The following NFASC variants were observed in gnomAD, a reference collection of about 807,000 sequenced individuals.
The protein encoded by NFASC is neurofascin.
NFASC carries 43 observed loss-of-function variants against 147.5 expected under a neutral mutation model. The observed-to-expected ratio is 0.29, with a 90% confidence interval of 0.23 to 0.38. The LOEUF (loss-of-function observed/expected upper bound fraction) is 0.38. Ranked by LOEUF, NFASC falls within the 10% of genes least tolerant of loss-of-function variation. The probability of loss-of-function intolerance (pLI) is 1.00; values close to 1 mark genes in which losing one functional copy is unlikely to be tolerated. For missense variants in NFASC, 1,320 were observed against 1,689.0 expected (o/e 0.78, Z 3.83); for synonymous variants, 622 against 665.5 (o/e 0.93, Z 1.01).
rs2290139 is a variant in NFASC, at chr1:204,970,867, G to T, written c.1135+120G>T. ...AGTTCAGGAAGAGAGAAGCCCACTGGTGGCTGTTTCTCAGCTGCCCATCTC... is the reference window on the plus strand; with the variant it reads ...AGTTCAGGAAGAGAGAAGCCCACTGTTGGCTGTTTCTCAGCTGCCCATCTC... On this transcript the variant is annotated intron_variant, in intron 11 of 29. Transcript: ENST00000339876. The T allele has an allele frequency of 3.0e-4, 384 of 1,288,612 alleles. 2 individuals carry two copies. In the East Asian group the frequency reaches 8.1e-3, roughly 27 times the overall value. 79.8% of individuals were successfully genotyped at this position (1,288,612 alleles called of 1,614,324 possible).
rs1015152608 is a variant in NFASC at position 205,019,803 on chromosome 1, C to T, written c.*3264C>T. The T allele has an allele frequency of 7.2e-5, 11 of 152,278 alleles. No individual in the cohort carries two copies. The highest frequency in any genetic ancestry group is 2.7e-4 in the African/African-American group (11 of 41,464). The allele number at this position is 152,278 out of a possible 1,614,324, so 9.4% of individuals were successfully genotyped here. On this transcript the variant is annotated 3_prime_UTR_variant, in exon 30 of 30. Transcript: ENST00000339876. The stretch of plus-strand genomic sequence containing the variant: ...GTCCTGCTTCCTGAGCCTCTTTGCT[C>T]TGCCTCTTGGGGCAAGCTCCTTAAC...
At chr1:204,948,858 C>A (rs2093949965) in intron 3 of NFASC, among the ~76,000 whole-genome samples, 1 of 152,206 alleles carries the variant, frequency 6.6e-6, no homozygotes, top group Non-Finnish European at 1.5e-5. Flanking sequence ...AAGCTAAGGG[C>A]CTGGGCTAAG....
chr1:204,962,005 C>T, intron 8 of NFASC: 1 of 850,300 alleles, frequency 1.2e-6, no homozygotes, highest in Non-Finnish European at 2.0e-6. Flanking sequence ...CTGCTGCCCT[C>T]CTCAGTTGTT....
In NFASC at chr1:204,968,331, C is replaced by T. The variant is rs768653228; in HGVS notation, c.789C>T (p.Asp263=). ...GCCAGATGGTGCTTCGTGGCATGGA[C>T]CTCCTGCTGGAATGCATCGCCTCCG... ...ASSQMVLRGM[D]LLLECIASGV... The change falls in exon 9 of 30, where the codon GAC becomes GAT. Residue 263 remains aspartate, a synonymous_variant. Transcript: ENST00000339876. The surrounding 1 kb of genome is among the most constrained non-coding windows in gnomAD (Gnocchi z 5.4). 1 of 1,614,020 alleles carries T rather than the reference C, an allele frequency of 6.2e-7. No individual in the cohort carries two copies. Among genetic ancestry groups the T allele is most frequent in the African/African-American group, 1.3e-5 (1 of 74,938 alleles).
At chr1:204,961,548 G>A (rs1188772569) in intron 8 of NFASC, among the ~76,000 whole-genome samples, 1 of 152,260 alleles carries the variant, frequency 6.6e-6, no homozygotes, top group South Asian at 2.1e-4. Flanking sequence ...GACACATGTT[G>A]CTGGGTGTGG....
chr1:204,841,995 G>A (rs1675500876), intron 1 of NFASC, among the ~76,000 whole-genome samples: 1 of 152,208 alleles, frequency 6.6e-6, no homozygotes, highest in Non-Finnish European at 1.5e-5. Context: ...TGACCAGTTA[G>A]CGGGTGGAGC....
chr1:204,959,207 C>T (rs369156529), intron 8 of NFASC, among the ~76,000 whole-genome samples: 4 of 152,106 alleles, frequency 2.6e-5, no homozygotes, highest in East Asian at 3.9e-4. Context: ...TAATCATCGC[C>T]TCCTGCCTTG....
intron 27 of NFASC, among the ~76,000 whole-genome samples, chr1:205,007,905 G>A (rs988549461): frequency 6.6e-6 from 1 of 152,168 alleles, no homozygotes; most frequent in Non-Finnish European, 1.5e-5. Flanking sequence ...AGTCCTACGT[G>A]GGGGGTTGGA....
rs1257128309 is a variant in NFASC, at chr1:204,975,116, C to A, written c.1559-155C>A. ...ATTATCTGCTTTGGGGATTACCCAC[C>A]CAGAACTCTGCTCCGTTCATACCAT... On this transcript the variant is annotated intron_variant, in intron 14 of 29. Transcript: ENST00000339876. The surrounding 1 kb of genome is among the most constrained non-coding windows in gnomAD (Gnocchi z 4.0). Among the ~76,000 whole-genome samples, 1 of 152,224 alleles carries A rather than the reference C, an allele frequency of 6.6e-6. No homozygotes were observed. Among genetic ancestry groups the A allele is most frequent in the Non-Finnish European group, 1.5e-5 (1 of 68,038 alleles).
In NFASC at chr1:205,012,814, G is replaced by A; in HGVS notation, c.3439G>A (p.Val1147Ile). 2.5e-6 allele frequency: 4 copies of A among 1,613,508 alleles called. No homozygotes were observed. The highest frequency in any genetic ancestry group is 1.7e-4 in the Middle Eastern group (1 of 6,056). The change falls in exon 29 of 30, where the codon GTT becomes ATT. Residue 1147 changes from valine (V) to isoleucine (I), a missense_variant. Physicochemically the swap from Val to Ile is conservative, Grantham distance 29. Coordinates refer to ENST00000339876, the MANE Select transcript of NFASC (RefSeq NM_001005388.3). ...TGACCAAGTACGAGAAAAGAAGGAT[G>A]TTCCCCTTGGCCCTGAAGACCCCAA... ...GKYPVREKKD[V>I]PLGPEDPKEE...
chr1:204,829,311 A>G (rs1558464505), intron 1 of NFASC, among the ~76,000 whole-genome samples: 2 of 147,746 alleles, frequency 1.4e-5, no homozygotes, highest in Non-Finnish European at 3.0e-5. Flanking sequence ...GCCCTGTCCC[A>G]GCCCCTTCCC....
rs781346381 is a variant in NFASC, at chr1:204,962,233, G to A, written c.706+4407G>A. ...GTTTGCCTAACTTGACTGATACCACGTCATTAACTCCTGCTGGGTGGCAGC... is the reference window on the plus strand; with the variant it reads ...GTTTGCCTAACTTGACTGATACCACATCATTAACTCCTGCTGGGTGGCAGC... On this transcript the variant is annotated intron_variant, in intron 8 of 29. Coordinates refer to ENST00000339876, the MANE Select transcript of NFASC (RefSeq NM_001005388.3). 3.8e-5 allele frequency: 47 copies of A among 1,252,746 alleles called. No individual in the cohort carries two copies. The East Asian group carries it at 7.8e-4, about 21-fold the overall frequency. The allele number at this position is 1,252,746 out of a possible 1,614,324, so 77.6% of individuals were successfully genotyped here.
intron 3 of NFASC, chr1:204,946,534 G>T (rs1261852054): frequency 9.6e-6 from 4 of 418,526 alleles, no homozygotes; most frequent in South Asian, 1.7e-5. Flanking sequence ...CCCTGGCAAC[G>T]TGTCCAAAAA....
At position 204,934,834 on chromosome 1, in the gene NFASC, C is replaced by T. The variant is rs1446031362; in HGVS notation, c.-90-9392C>T. On this transcript the variant is annotated intron_variant, in intron 2 of 29. Coordinates refer to ENST00000339876, the MANE Select transcript of NFASC (RefSeq NM_001005388.3). Reference sequence around the variant, plus strand: ...GCCCTGGAATTGGTGTAGGATTGCTCTGAGAAAGGGGTAGAGATGAATTCT... The same window carrying T: ...GCCCTGGAATTGGTGTAGGATTGCTTTGAGAAAGGGGTAGAGATGAATTCT... Among the ~76,000 whole-genome samples, 3 of 152,306 alleles carry T rather than the reference C, an allele frequency of 2.0e-5. No individual in the cohort carries two copies. In the East Asian group the frequency reaches 5.8e-4, roughly 29 times the overall value.
chr1:204,979,111 G>A lies in NFASC; in HGVS notation c.1978+42G>A, dbSNP rs774080994. On this transcript the variant is annotated intron_variant, in intron 18 of 29. Coordinates refer to ENST00000339876, the MANE Select transcript of NFASC (RefSeq NM_001005388.3). This position sits in a 1 kb window ranked among gnomAD's most constrained non-coding sequence, Gnocchi z 6.0. Reference sequence around the variant, plus strand: ...CACCCCAAAGCTGGAAAAGAGGGACGGCAACACCCTTAAACCGAAGGCCTT... The same window carrying A: ...CACCCCAAAGCTGGAAAAGAGGGACAGCAACACCCTTAAACCGAAGGCCTT... The A allele has an allele frequency of 3.0e-5, 44 of 1,479,662 alleles. No individual in the cohort carries two copies. Among genetic ancestry groups the A allele is most frequent in the Non-Finnish European group, 3.9e-5 (42 of 1,084,052 alleles). 91.7% of individuals were successfully genotyped at this position (1,479,662 alleles called of 1,614,324 possible).
intron 2 of NFASC, among the ~76,000 whole-genome samples, chr1:204,924,734 T>G (rs1453485867): frequency 1.3e-5 from 2 of 152,236 alleles, no homozygotes; most frequent in African/African-American, 2.4e-5. Context: ...AGCTAGGGTA[T>G]GGTGTCTGCA....
chr1:204,871,953 G>A (rs987317390), intron 1 of NFASC, among the ~76,000 whole-genome samples: 2 of 152,252 alleles, frequency 1.3e-5, no homozygotes, highest in East Asian at 1.9e-4. Flanking sequence ...AAAGGAGGCT[G>A]ATGGAAGGGA....
chr1:204,920,833 G>A, intron 2 of NFASC, 93 bp downstream of exon 2: 1 of 510,030 alleles, frequency 2.0e-6, no homozygotes, highest in Non-Finnish European at 3.4e-6. Flanking sequence ...GATAAGGGAA[G>A]CCTGTTTGCC....
intron 1 of NFASC, among the ~76,000 whole-genome samples, chr1:204,885,859 A>G (rs2081218619): frequency 6.6e-6 from 1 of 152,224 alleles, no homozygotes; most frequent in African/African-American, 2.4e-5. Flanking sequence ...GTTCCCCAAG[A>G]ATGACCTCTT....
Sources: gnomAD v4.1 joint callset for allele counts (sites outside exome capture counted in the v4.1 genomes callset) on GRCh38, gnomAD v4.1.1 for gene constraint, Gnocchi (gnomAD v3.1) non-coding constraint, MANE v1.5 for transcripts, NCBI Gene and HGNC (gene_info 2026-07-23, HGNC 2026-07-21) for gene names.